ADAMTS13: variants seen among roughly 807,000 people sequenced by gnomAD.
The protein encoded by ADAMTS13 is ADAM metallopeptidase with thrombospondin type 1 motif 13.
Under a neutral mutation model 155.1 loss-of-function variants are expected in ADAMTS13, and 110 were observed. The observed-to-expected ratio is 0.71, with a 90% CI of 0.61 to 0.83. The LOEUF is 0.83. Among genes scored for constraint, ADAMTS13 ranks in the 40% least tolerant of loss-of-function variants. ADAMTS13 has a pLI of 0.00. For missense variants in ADAMTS13, 1,707 were observed against 1,891.7 expected, an observed-to-expected ratio of 0.90 and a Z score of 1.81; for synonymous variants, 758 against 756.4, an observed-to-expected ratio of 1.00 and a Z score of -0.03.
At chr9:133,419,850 T>A (rs1031506108), upstream of ADAMTS13, among the ~76,000 whole-genome samples, 4 of 151,838 alleles carry the variant, frequency 2.6e-5, no homozygotes, top group Non-Finnish European at 5.9e-5. Flanking sequence ...GCGATTCTCC[T>A]GCCTCAGCCT....
chr9:133,428,436 CTG>C (rs1443894623), intron 6 of ADAMTS13, among the ~76,000 whole-genome samples, 196 bp from the exon 7 acceptor site: 3 of 152,220 alleles, frequency 2.0e-5, no homozygotes, highest in Non-Finnish European at 4.4e-5. Flanking sequence ...CTGGGGGAAA[CTG>C]AGGCAGGGCG....
chr9:133,445,830 C>A lies in ADAMTS13; in HGVS notation c.2731+11C>A, dbSNP rs1588190052. On this transcript the variant is annotated intron_variant, in intron 21 of 28. Coordinates refer to ENST00000355699, the MANE Select transcript of ADAMTS13 (RefSeq NM_139027.6). This position sits in a 1 kb window ranked among gnomAD's most constrained non-coding sequence, Gnocchi z 5.0. ...TCTCCTGCGGGCGAGGTGAGGGCCC[C>A]CGGGATGCTCCTGGGGACCAGCACT... The A allele has an allele frequency of 6.4e-7, 1 of 1,567,182 alleles. No homozygotes were observed. Among genetic ancestry groups the A allele is most frequent in the Non-Finnish European group, 8.7e-7 (1 of 1,150,284 alleles).
In ADAMTS13 at chr9:133,423,123, C is replaced by T. The variant is rs999352582; in HGVS notation, c.128C>T (p.Pro43Leu). ...CAGAGTTGTCTTCAGGCTTTGGAGC[C>T]ACAGGCCGTGTCTTCTTACTTGAGC... ...FQQSCLQALE[P>L]QAVSSYLSPG... Residue 43 changes from proline to leucine, a missense_variant, in exon 2 of 29, where the codon CCA becomes CTA. This residue lies in a region of ADAMTS13 where 733 missense variants were observed against 749.6 expected (regional missense o/e 0.98). Coordinates refer to ENST00000355699, the MANE Select transcript of ADAMTS13 (RefSeq NM_139027.6). 1 of 1,613,846 alleles carries T rather than the reference C, an allele frequency of 6.2e-7. No homozygotes were observed. The highest frequency in any genetic ancestry group is 8.5e-7 in the Non-Finnish European group (1 of 1,179,960).
chr9:133,456,801 A>G lies in ADAMTS13; in HGVS notation c.3724+82A>G. 6.7e-7 allele frequency: 1 copy of G among 1,493,904 alleles called. No homozygotes were observed. The allele number at this position is 1,493,904 out of a possible 1,614,324, so 92.5% of individuals were successfully genotyped here. ...GGTGGGTGCTGCTGGGGATGGGGCCAGTCCCAGTGGGGCAGTGGGAAGATA... is the reference window on the plus strand; with the variant it reads ...GGTGGGTGCTGCTGGGGATGGGGCCGGTCCCAGTGGGGCAGTGGGAAGATA... On this transcript the variant is annotated intron_variant, in intron 27 of 28. Transcript: ENST00000355699. This position sits in a 1 kb window ranked among gnomAD's most constrained non-coding sequence, Gnocchi z 4.4.
At position 133,456,092 on chromosome 9, in the gene ADAMTS13, G is replaced by A; in HGVS notation, c.3424G>A (p.Glu1142Lys). ...GQGACGRQHL[E>K]PTGTIDMRGP... ...AGGTGCCTGTGGCAGGCAGCACCTT[G>A]AGCCAACAGGAACCATTGACATGCG... The change falls in exon 26 of 29, where the codon GAG (glutamate) becomes AAG (lysine). Residue 1142 changes from glutamate to lysine, a missense_variant. Glu to Lys is a moderately conservative substitution (Grantham distance 56). Transcript: ENST00000355699. The surrounding 1 kb of genome is among the most constrained non-coding windows in gnomAD (Gnocchi z 4.4). 6.2e-7 allele frequency: 1 copy of A among 1,613,264 alleles called. No individual in the cohort carries two copies. Among genetic ancestry groups the A allele is most frequent in the Non-Finnish European group, 8.5e-7 (1 of 1,180,040 alleles).
chr9:133,422,465 G>C lies in ADAMTS13; in HGVS notation c.22G>C (p.Ala8Pro). 1 of 1,613,928 alleles carries C rather than the reference G, an allele frequency of 6.2e-7. No homozygotes were observed. Among genetic ancestry groups the C allele is most frequent in the Non-Finnish European group, 8.5e-7 (1 of 1,180,010 alleles). Residue 8 changes from alanine to proline, a missense_variant, in exon 1 of 29, where the codon GCA (alanine) becomes CCA (proline). Physicochemically the swap from Ala to Pro is conservative, Grantham distance 27. Transcript: ENST00000355699. Reference protein sequence around the residue: MHQRHPRARCPPLCVAGI... With the variant: MHQRHPRPRCPPLCVAGI... ...GAGGATGCACCAGCGTCACCCCCGG[G>C]CAAGATGCCCTCCCCTCTGTGTGGC... is the stretch of plus-strand genomic sequence containing the variant.
At position 133,440,630 on chromosome 9, in the gene ADAMTS13, A is replaced by G. The variant is rs782070208; in HGVS notation, c.1968+105A>G. On this transcript the variant is annotated intron_variant, in intron 16 of 28. Coordinates refer to ENST00000355699, the MANE Select transcript of ADAMTS13 (RefSeq NM_139027.6). This position sits in a 1 kb window ranked among gnomAD's most constrained non-coding sequence, Gnocchi z 4.3. ...CATTCCCTGATTCGTTCATTTATTC[A>G]TTCAGCGGTCACTTACAGGGGACCC... The G allele has an allele frequency of 8.2e-6, 11 of 1,345,084 alleles. No individual in the cohort carries two copies. The highest frequency in any genetic ancestry group is 1.1e-5 in the Non-Finnish European group (11 of 1,004,430). 83.3% of individuals were successfully genotyped at this position (1,345,084 alleles called of 1,614,324 possible).
intron 24 of ADAMTS13, 80 bp from the exon 25 acceptor site, chr9:133,455,205 C>T (rs2130940975): frequency 6.9e-7 from 1 of 1,441,454 alleles, no homozygotes; most frequent in Admixed American, 1.7e-5. Flanking sequence ...TATATTGGAT[C>T]ACTCCTGGCC....
chr9:133,425,037 A>G lies in ADAMTS13; in HGVS notation c.331-492A>G, dbSNP rs1200528658. 1.4e-5 allele frequency among the ~76,000 whole-genome samples: 2 copies of G among 144,466 alleles called. No individual in the cohort carries two copies. Among genetic ancestry groups the G allele is most frequent in the African/African-American group, 4.9e-5 (2 of 40,988 alleles). The allele number at this position is 144,466 out of a possible 152,430, so 94.8% of individuals were successfully genotyped here. ...CCACTAGCCGCCGTCTCAGAAAGAC[A>G]AACAAGGCCAGGCGCGGTGGCTCAT... On this transcript the variant is annotated intron_variant, in intron 3 of 28. Transcript: ENST00000355699. The surrounding 1 kb of genome is among the most constrained non-coding windows in gnomAD (Gnocchi z 4.6).
intron 23 of ADAMTS13, among the ~76,000 whole-genome samples, chr9:133,452,268 AC>A (rs2130926770): frequency 6.6e-6 from 1 of 151,604 alleles, no homozygotes; most frequent in South Asian, 2.1e-4. Context: ...GCCCGCCACC[AC>A]CCCCAACTGA....
chr9:133,453,946 T>C (rs3094375), intron 23 of ADAMTS13, among the ~76,000 whole-genome samples: 58,318 of 151,844 alleles, frequency 0.38, 11,707 homozygotes, highest in Non-Finnish European at 0.44. Flanking sequence ...TGCCTGGGTT[T>C]GTGTCTGGGC....
In ADAMTS13 at chr9:133,423,038, A is replaced by G. The variant is rs186475607; in HGVS notation, c.106-63A>G. ...TGATCCTCCCACCTCGGTCTCCCCA[A>G]GTGTTAGGATTACAGGCCAGAGCCA... On this transcript the variant is annotated intron_variant, in intron 1 of 28. Transcript: ENST00000355699. The G allele has an allele frequency of 2.1e-3, 3,030 of 1,477,100 alleles. 6 individuals are homozygous for G. Among genetic ancestry groups the G allele is most frequent in the Non-Finnish European group, 2.5e-3 (2,655 of 1,063,100 alleles). 91.5% of individuals were successfully genotyped at this position (1,477,100 alleles called of 1,614,324 possible).
chr9:133,428,780 C>T lies in ADAMTS13; in HGVS notation c.824+9C>T. On this transcript the variant is annotated intron_variant, in intron 7 of 28. Coordinates refer to ENST00000355699, the MANE Select transcript of ADAMTS13 (RefSeq NM_139027.6). ...CTGCTGAGCCTGCTCAGGTAGCGGC[C>T]GCCCCGTGGGAGGGGCGCGCGAGCC... The T allele has an allele frequency of 6.1e-6, 8 of 1,318,002 alleles. No individual in the cohort carries two copies. Among genetic ancestry groups the T allele is most frequent in the Non-Finnish European group, 7.8e-6 (8 of 1,031,878 alleles). The allele number at this position is 1,318,002 out of a possible 1,614,324, so 81.6% of individuals were successfully genotyped here. A position where few individuals can be genotyped will look rare whatever the true frequency, so the allele number is the denominator to read the frequency against.
In ADAMTS13 at chr9:133,456,071, G is replaced by A; in HGVS notation, c.3403G>A (p.Ala1135Thr). Reference sequence around the variant, plus strand: ...CCTGTCTCCTGCTCCCTTTTCAGGTGCCTGTGGCAGGCAGCACCTTGAGCC... The same window carrying A: ...CCTGTCTCCTGCTCCCTTTTCAGGTACCTGTGGCAGGCAGCACCTTGAGCC... Reference protein sequence around the residue: ...CWAGPCVGQGACGRQHLEPTG... With the variant: ...CWAGPCVGQGTCGRQHLEPTG... The change falls in exon 26 of 29, where the codon GCC (alanine) becomes ACC (threonine). Residue 1135 changes from alanine (A) to threonine (T), a missense_variant and splice_region_variant. Coordinates refer to ENST00000355699, the MANE Select transcript of ADAMTS13 (RefSeq NM_139027.6). This position sits in a 1 kb window ranked among gnomAD's most constrained non-coding sequence, Gnocchi z 4.4. 1.2e-6 allele frequency: 2 copies of A among 1,613,304 alleles called. No homozygotes were observed. The highest frequency in any genetic ancestry group is 1.7e-6 in the Non-Finnish European group (2 of 1,180,028).
rs2130881551 is a variant in ADAMTS13, at chr9:133,443,507, C to T, written c.2366C>T (p.Ala789Val). 6.3e-7 allele frequency: 1 copy of T among 1,582,686 alleles called. No individual in the cohort carries two copies. Residue 789 changes from alanine (A) to valine (V), a missense_variant, in exon 19 of 29, where the codon GCC becomes GTC. Ala to Val is a moderately conservative substitution (Grantham distance 64). Coordinates refer to ENST00000355699, the MANE Select transcript of ADAMTS13 (RefSeq NM_139027.6). ...TLPPARCRAG[A>V]QQPAVALETC... Reference sequence around the variant, plus strand: ...CCCCCAGCCCGGTGCAGAGCAGGGGCCCAGCAGCCAGCTGTGGCGCTGGAA... The same window carrying T: ...CCCCCAGCCCGGTGCAGAGCAGGGGTCCAGCAGCCAGCTGTGGCGCTGGAA...
chr9:133,442,589 C>A (rs781856205), intron 17 of ADAMTS13, 25 bp from the exon 18 acceptor site: 20 of 1,613,302 alleles, frequency 1.2e-5, no homozygotes, highest in Non-Finnish European at 6.8e-6. Flanking sequence ...AGGGAGGCGG[C>A]CTAGCCCTCC....
intron 28 of ADAMTS13, among the ~76,000 whole-genome samples, chr9:133,458,481 G>A (rs1401863503): frequency 2.7e-5 from 4 of 149,504 alleles, no homozygotes; most frequent in South Asian, 2.2e-4. Flanking sequence ...ACTTGAACCC[G>A]GGAGGTGGAG....
chr9:133,454,659 G>C (rs1554795237), intron 24 of ADAMTS13, 40 bp downstream of exon 24: 1 of 1,555,956 alleles, frequency 6.4e-7, no homozygotes, highest in East Asian at 2.4e-5. Flanking sequence ...TGGGGCTGGG[G>C]TGGGCATCAG....
Position 133,450,140 on chromosome 9 carries a change from AAAC to A in ADAMTS13, c.3044+178_3044+180del, listed in dbSNP as rs1588198811. ...CAGTGAGACCTCATCTCTAAAAAAA[AAAC>A]AAGACGGGGCCAGGTGTGGTGGCTC... On this transcript the variant is annotated intron_variant, in intron 23 of 28. Coordinates refer to ENST00000355699, the MANE Select transcript of ADAMTS13 (RefSeq NM_139027.6). Among the ~76,000 whole-genome samples the A allele has an allele frequency of 2.0e-5, 3 of 152,256 alleles. No individual in the cohort carries two copies. The East Asian group carries it at 5.8e-4, about 29-fold the overall frequency.
Sources: gnomAD v4.1 joint callset for allele counts (sites outside exome capture counted in the v4.1 genomes callset) on GRCh38, gnomAD v4.1.1 for gene constraint, gnomAD v4.1.1 regional missense constraint, Gnocchi (gnomAD v3.1) non-coding constraint, MANE v1.5 for transcripts, NCBI Gene and HGNC (gene_info 2026-07-23, HGNC 2026-07-21) for gene names.